SH3RF3: variants seen among roughly 807,000 people sequenced by gnomAD.
SH3RF3 encodes E3 ubiquitin-protein ligase SH3RF3.
A neutral mutation model predicts 66.3 loss-of-function variants in SH3RF3; 29 were observed. That is an observed-to-expected ratio of 0.44 (90% CI 0.33 to 0.60). The LOEUF (loss-of-function observed/expected upper bound fraction) is 0.60, where lower values mean the gene tolerates loss of function less well. SH3RF3 is among the 20% of genes least tolerant of loss of function. SH3RF3 has a pLI of 0.04. For missense variants in SH3RF3, 1,194 were observed against 1,190.9 expected, an observed-to-expected ratio of 1.00 and a Z score of -0.04; for synonymous variants, 583 against 532.0, an observed-to-expected ratio of 1.10 and a Z score of -1.32.
chr2:109,378,803 C>T (rs1212120760), intron 3 of SH3RF3, among the ~76,000 whole-genome samples: 1 of 152,180 alleles, frequency 6.6e-6, no homozygotes, highest in Admixed American at 6.5e-5. Context: ...CTATTCCTGG[C>T]TTTATGTGAC....
chr2:109,369,778 C>T (rs1357068896), intron 2 of SH3RF3, among the ~76,000 whole-genome samples: 1 of 152,148 alleles, frequency 6.6e-6, no homozygotes, highest in Non-Finnish European at 1.5e-5. Context: ...GGATGGACAC[C>T]AAACCCTACG....
intron 5 of SH3RF3, among the ~76,000 whole-genome samples, chr2:109,420,549 A>C (rs113142997): frequency 7.2e-5 from 11 of 151,920 alleles, no homozygotes; most frequent in Admixed American, 1.3e-4. Flanking sequence ...AGGTTCACGC[A>C]ATTCTCCTGC....
intron 3 of SH3RF3, among the ~76,000 whole-genome samples, chr2:109,384,327 C>G (rs952465495): frequency 1.1e-4 from 16 of 152,144 alleles, no homozygotes; most frequent in African/African-American, 3.9e-4. Flanking sequence ...GAAAGTAACA[C>G]CAGGAGAGGA....
chr2:109,277,805 A>T (rs1446749992), intron 1 of SH3RF3, among the ~76,000 whole-genome samples: 2 of 152,198 alleles, frequency 1.3e-5, no homozygotes, highest in Non-Finnish European at 1.5e-5. Context: ...TATACCTGGC[A>T]GTCTTACCTC....
intron 2 of SH3RF3, among the ~76,000 whole-genome samples, chr2:109,363,520 A>G (rs1181518933): frequency 6.6e-6 from 1 of 152,208 alleles, no homozygotes; most frequent in East Asian, 1.9e-4. Context: ...TAGCAAAAAT[A>G]AAAGTTTTAA....
At chr2:109,385,755 T>C (rs1675806912) in intron 3 of SH3RF3, among the ~76,000 whole-genome samples, 2 of 152,210 alleles carry the variant, frequency 1.3e-5, no homozygotes, top group Admixed American at 1.3e-4. Context: ...GTGGACTGTG[T>C]TATGGCTGCA....
intron 4 of SH3RF3, among the ~76,000 whole-genome samples, chr2:109,405,130 G>C (rs1281743101): frequency 6.6e-6 from 1 of 151,424 alleles, no homozygotes; most frequent in Non-Finnish European, 1.5e-5. Flanking sequence ...CCCAGCCAAC[G>C]TCACCTGCCA....
chr2:109,264,048 C>T (rs1026518277), intron 1 of SH3RF3, among the ~76,000 whole-genome samples: 4 of 152,226 alleles, frequency 2.6e-5, no homozygotes, highest in African/African-American at 7.2e-5. Context: ...GTTTGCAAAA[C>T]CATCTGGGCT....
intron 8 of SH3RF3, among the ~76,000 whole-genome samples, chr2:109,480,200 C>T (rs571574494): frequency 6.6e-5 from 10 of 152,350 alleles, no homozygotes; most frequent in African/African-American, 2.4e-4. Flanking sequence ...CCAACATCTG[C>T]ATGGCACCAA....
chr2:109,150,838 T>C (rs1010312255), intron 1 of SH3RF3, among the ~76,000 whole-genome samples: 7 of 152,194 alleles, frequency 4.6e-5, no homozygotes, highest in Non-Finnish European at 8.8e-5. Flanking sequence ...AAAAAAGTTT[T>C]GTGCTTTTAC....
At chr2:109,191,599 C>CAT (rs1212182488) in intron 1 of SH3RF3, among the ~76,000 whole-genome samples, 57 of 152,314 alleles carry the variant, frequency 3.7e-4, no homozygotes, top group Middle Eastern at 3.4e-3. Context: ...GCATTTCCCA[C>CAT]CCTTTCACAT....
intron 4 of SH3RF3, among the ~76,000 whole-genome samples, chr2:109,403,777 C>T (rs942927835): frequency 1.1e-4 from 16 of 152,150 alleles, no homozygotes; most frequent in Non-Finnish European, 1.5e-4. Flanking sequence ...CAGAGCCAGA[C>T]GGCCAGGTTG....
chr2:109,469,329 C>T (rs1465531431), intron 8 of SH3RF3, among the ~76,000 whole-genome samples: 1 of 152,254 alleles, frequency 6.6e-6, no homozygotes, highest in Non-Finnish European at 1.5e-5. Context: ...GGGTGTGTGG[C>T]ATGCGGCTGG....
chr2:109,130,535 C>T (rs1676666587), intron 1 of SH3RF3, among the ~76,000 whole-genome samples: 1 of 152,164 alleles, frequency 6.6e-6, no homozygotes, highest in Non-Finnish European at 1.5e-5. Context: ...CTGATGGCTG[C>T]TCTGGGAAGC....
intron 8 of SH3RF3, 146 bp from the exon 9 acceptor site, chr2:109,490,459 T>TG (rs1290866853): frequency 1.5e-6 from 1 of 670,034 alleles, no homozygotes; most frequent in African/African-American, 1.8e-5. Flanking sequence ...CTACTGCTGT[T>TG]GCTGTGAGTG....
In SH3RF3 at chr2:109,502,490, A is replaced by C. The variant is rs1471557725; in HGVS notation, c.*819A>C. 2 of 152,136 alleles carry C rather than the reference A, an allele frequency of 1.3e-5. No homozygotes were observed. The highest frequency in any genetic ancestry group is 4.8e-5 in the African/African-American group (2 of 41,422). 9.4% of individuals were successfully genotyped at this position (152,136 alleles called of 1,614,324 possible). A position where few individuals can be genotyped will look rare whatever the true frequency, so the allele number is the denominator to read the frequency against. On this transcript the variant is annotated 3_prime_UTR_variant, in exon 10 of 10. Coordinates refer to ENST00000309415, the MANE Select transcript of SH3RF3 (RefSeq NM_001099289.3). ...GCGACATCAAAGGGGCAGAATTTTTATATTTCCCATATGGCTTTGGGAGAG... is the reference window on the plus strand; with the variant it reads ...GCGACATCAAAGGGGCAGAATTTTTCTATTTCCCATATGGCTTTGGGAGAG...
At chr2:109,387,795 C>G (rs544735607) in intron 3 of SH3RF3, among the ~76,000 whole-genome samples, 2 of 152,284 alleles carry the variant, frequency 1.3e-5, no homozygotes, top group Admixed American at 1.3e-4. Context: ...CTAAGCAGAG[C>G]CCCTGGCCTG....
At chr2:109,476,381 G>A (rs1435223602) in intron 8 of SH3RF3, among the ~76,000 whole-genome samples, 7 of 152,190 alleles carry the variant, frequency 4.6e-5, no homozygotes, top group Admixed American at 1.3e-4. Flanking sequence ...GGTAGCCCCT[G>A]GGTGAGGTAC....
At chr2:109,440,565 C>G (rs1416701951) in intron 7 of SH3RF3, among the ~76,000 whole-genome samples, 2 of 152,182 alleles carry the variant, frequency 1.3e-5, no homozygotes, top group South Asian at 4.1e-4. Flanking sequence ...AGGAATTACT[C>G]TCCCACATGA....
Sources: gnomAD v4.1 joint callset for allele counts (sites outside exome capture counted in the v4.1 genomes callset) on GRCh38, gnomAD v4.1.1 for gene constraint, MANE v1.5 for transcripts, NCBI Gene and HGNC (gene_info 2026-07-23, HGNC 2026-07-21) for gene names.